The following FAM186A variants were observed in gnomAD, a reference collection of about 807,000 sequenced individuals.
FAM186A encodes protein FAM186A.
FAM186A carries 163 observed loss-of-function variants against 216.8 expected under a neutral mutation model. That is an observed-to-expected ratio of 0.75 (90% CI 0.66 to 0.86). The LOEUF is 0.86. Ranked by LOEUF, FAM186A falls within the 40% of genes least tolerant of loss-of-function variation. FAM186A has a pLI of 0.00. For missense variants in FAM186A, 2,184 were observed against 2,746.2 expected (o/e 0.80, Z 4.58); for synonymous variants, 805 against 1,025.3 (o/e 0.79, Z 4.10).
chr12:50,337,452 C>T (rs1391655069), intron 4 of FAM186A, among the ~76,000 whole-genome samples: 1 of 149,228 alleles, frequency 6.7e-6, no homozygotes, highest in East Asian at 2.0e-4. Flanking sequence ...CACCGTCAGG[C>T]CTGCCAATTT....
At chr12:50,384,207 T>C (rs1210390368) in intron 1 of FAM186A, among the ~76,000 whole-genome samples, 1 of 151,300 alleles carries the variant, frequency 6.6e-6, no homozygotes, top group Non-Finnish European at 1.5e-5. Context: ...AAGGCCAAGG[T>C]GAAAAGGTTA....
chr12:50,377,217 G>A (rs148083675), intron 1 of FAM186A, among the ~76,000 whole-genome samples: 2 of 152,286 alleles, frequency 1.3e-5, no homozygotes, highest in East Asian at 1.9e-4. Flanking sequence ...ATACATGAAT[G>A]GAATAGAATA....
chr12:50,364,825 G>A (rs1481464892), intron 1 of FAM186A, among the ~76,000 whole-genome samples: 1 of 151,550 alleles, frequency 6.6e-6, no homozygotes, highest in Non-Finnish European at 1.5e-5. Flanking sequence ...ATCACCTGAG[G>A]TCAGGAGTTC....
intron 7 of FAM186A, among the ~76,000 whole-genome samples, chr12:50,328,165 A>G (rs968348151): frequency 2.6e-5 from 4 of 152,212 alleles, no homozygotes; most frequent in African/African-American, 9.6e-5. Context: ...ATTGTTTGCA[A>G]TGTTGAAAAA....
chr12:50,346,424 G>T (rs534136457), intron 4 of FAM186A, among the ~76,000 whole-genome samples: 1 of 152,038 alleles, frequency 6.6e-6, no homozygotes, highest in Non-Finnish European at 1.5e-5. Context: ...TAGAGACAGG[G>T]TTTCATCATG....
At chr12:50,342,708 C>G (rs1000882798) in intron 4 of FAM186A, among the ~76,000 whole-genome samples, 2 of 150,548 alleles carry the variant, frequency 1.3e-5, no homozygotes, top group Non-Finnish European at 3.0e-5. Flanking sequence ...GATCTGATCT[C>G]GTGATCCACC....
chr12:50,394,815 C>T (rs919833866), intron 1 of FAM186A, among the ~76,000 whole-genome samples: 2 of 137,806 alleles, frequency 1.5e-5, no homozygotes, highest in African/African-American at 5.5e-5. Flanking sequence ...ATCTATAGCT[C>T]ACTGTAACCT....
At chr12:50,394,773 C>T (rs1279320764) in intron 1 of FAM186A, among the ~76,000 whole-genome samples, 1 of 78,864 alleles carries the variant, frequency 1.3e-5, no homozygotes, top group Non-Finnish European at 2.4e-5. Flanking sequence ...AGATAGAGTC[C>T]CTCTGTCACC....
rs148554179 is a variant in FAM186A, at chr12:50,383,779, T to A, written c.192+12514A>T. On this transcript the variant is annotated intron_variant, in intron 1 of 7. Transcript: ENST00000327337. ...AGGTAACTCCTCATTGTAAGCAAAC[T>A]ATGTAACTGCCCAGAGCAGCACATA... Among the ~76,000 whole-genome samples the A allele has an allele frequency of 3.0e-4, 45 of 151,998 alleles. 1 individual carries two copies. The highest frequency in any genetic ancestry group is 2.9e-3 in the Admixed American group (44 of 15,228).
chr12:50,327,422 A>T lies in FAM186A; in HGVS notation c.7035-18T>A. 6.5e-7 allele frequency: 1 copy of T among 1,542,310 alleles called. No individual in the cohort carries two copies. The highest frequency in any genetic ancestry group is 8.8e-7 in the Non-Finnish European group (1 of 1,140,370). Reference sequence around the variant, plus strand: ...TCTTAACCCTGGAAATGAGACAAGAAAATTAACCTCATTATAAATTGCTTT... The same window carrying T: ...TCTTAACCCTGGAAATGAGACAAGATAATTAACCTCATTATAAATTGCTTT... On this transcript the variant is annotated intron_variant, in intron 7 of 7. Transcript: ENST00000327337.
At chr12:50,341,627 G>A (rs1461956675) in intron 4 of FAM186A, among the ~76,000 whole-genome samples, 2 of 152,116 alleles carry the variant, frequency 1.3e-5, no homozygotes, top group African/African-American at 4.8e-5. Flanking sequence ...ACGAGGTCAG[G>A]AGTTCGAGAC....
At chr12:50,334,207 G>T in intron 4 of FAM186A, 104 bp from the exon 5 acceptor site, 1 of 1,039,966 alleles carries the variant, frequency 9.6e-7, no homozygotes, top group African/African-American at 1.6e-5. Flanking sequence ...TTTCGATCTT[G>T]TTGCCCAGGC....
At chr12:50,370,927 C>T (rs1052048715) in intron 1 of FAM186A, among the ~76,000 whole-genome samples, 2 of 151,560 alleles carry the variant, frequency 1.3e-5, no homozygotes, top group African/African-American at 4.8e-5. Flanking sequence ...TGAAACCTCA[C>T]GTTGCACTAA....
chr12:50,356,177 T>C lies in FAM186A; in HGVS notation c.655A>G (p.Arg219Gly). The change falls in exon 4 of 8, where the codon AGA becomes GGA. Residue 219 changes from arginine to glycine, a missense_variant. Transcript: ENST00000327337. ...TGATCACTAATCATCTGATCTGGTC[T>C]TAAAGCACGGGCTGTTGAAGGTCGT... ...IKRPSTARAL[R>G]PDQMISDQLA... 1.3e-6 allele frequency: 2 copies of C among 1,551,614 alleles called. No individual in the cohort carries two copies. Among genetic ancestry groups the C allele is most frequent in the Non-Finnish European group, 1.7e-6 (2 of 1,146,968 alleles).
intron 1 of FAM186A, among the ~76,000 whole-genome samples, chr12:50,369,905 A>G (rs1310243689): frequency 6.6e-6 from 1 of 151,798 alleles, no homozygotes; most frequent in Non-Finnish European, 1.5e-5. Context: ...AGGGTGGATC[A>G]TGAGGTCAGG....
chr12:50,388,526 G>A (rs756294493), intron 1 of FAM186A, among the ~76,000 whole-genome samples: 57 of 151,940 alleles, frequency 3.8e-4, no homozygotes, highest in Non-Finnish European at 6.8e-4. Context: ...GGCTGAGGCA[G>A]GAGAATCGCT....
intron 4 of FAM186A, among the ~76,000 whole-genome samples, chr12:50,348,600 C>T (rs898549993): frequency 2.0e-5 from 3 of 152,004 alleles, no homozygotes; most frequent in African/African-American, 7.3e-5. Context: ...TGCTCTGCCC[C>T]GCTGGCTGGA....
chr12:50,341,518 T>G (rs1942762180), intron 4 of FAM186A, among the ~76,000 whole-genome samples: 1 of 152,138 alleles, frequency 6.6e-6, no homozygotes, highest in Non-Finnish European at 1.5e-5. Flanking sequence ...CTCAAAGTCT[T>G]CAATAAATCT....
rs1418327286 is a variant in FAM186A, at chr12:50,353,184, C to T, written c.3648G>A (p.Gly1216=). 1.2e-5 allele frequency: 18 copies of T among 1,455,078 alleles called. No homozygotes were observed. The African/African-American group carries it at 2.5e-4, about 20-fold the overall frequency. 90.1% of individuals were successfully genotyped at this position (1,455,078 alleles called of 1,614,324 possible). Residue 1216 remains glycine (G), a synonymous_variant, in exon 4 of 8, where the codon GGG becomes GGA. Transcript: ENST00000327337. The part of the protein sequence containing the change: ...SLTPQQAQEL[G]IPLTPQQAQA... ...GGGCCTGCTGAGGGGTGAGAGGGAT[C>T]CCCAATTCCTGAGCCTGCTGAGGGG...
Sources: gnomAD v4.1 joint callset for allele counts (sites outside exome capture counted in the v4.1 genomes callset) on GRCh38, gnomAD v4.1.1 for gene constraint, MANE v1.5 for transcripts, NCBI Gene and HGNC (gene_info 2026-07-23, HGNC 2026-07-21) for gene names.